Variants in OSBPL2 observed in about 807,000 individuals in gnomAD.
OSBPL2 encodes the protein oxysterol binding protein like 2.
Under a neutral mutation model 58.4 loss-of-function variants are expected in OSBPL2, and 18 were observed. The observed-to-expected ratio is 0.31, with a 90% confidence interval of 0.21 to 0.46. The LOEUF (loss-of-function observed/expected upper bound fraction) is 0.46, where lower values mean the gene tolerates loss of function less well. Among genes scored for constraint, OSBPL2 ranks in the 20% least tolerant of loss-of-function variants. OSBPL2 has a pLI of 1.00. For synonymous variants in OSBPL2, 221 were observed against 234.1 expected (o/e 0.94, Z 0.51); for missense variants, 461 against 616.5 (o/e 0.75, Z 2.67).
intron 2 of OSBPL2, among the ~76,000 whole-genome samples, chr20:62,256,741 A>G (rs1980947149): frequency 6.6e-6 from 1 of 152,236 alleles, no homozygotes; most frequent in African/African-American, 2.4e-5. Context: ...AAAAAGAAGA[A>G]AATGAAGACC....
At chr20:62,248,385 AC>A (rs1482249984) in intron 1 of OSBPL2, among the ~76,000 whole-genome samples, 1 of 151,680 alleles carries the variant, frequency 6.6e-6, no homozygotes, top group Non-Finnish European at 1.5e-5. Flanking sequence ...CGAACTCCTG[AC>A]CTCAGGTGAT....
intron 2 of OSBPL2, among the ~76,000 whole-genome samples, 159 bp from the exon 3 acceptor site, chr20:62,259,822 G>A (rs1041951352): frequency 5.3e-5 from 8 of 152,154 alleles, no homozygotes; most frequent in African/African-American, 1.4e-4. Context: ...TCTCTGTACC[G>A]TGTCTGCTTC....
At chr20:62,286,449 G>GAAAA (rs375911327) in intron 10 of OSBPL2, 134 bp from the exon 11 acceptor site, 27 of 820,164 alleles carry the variant, frequency 3.3e-5, no homozygotes, top group Non-Finnish European at 4.4e-5. Context: ...GACTCCGTCT[G>GAAAA]AAAAAAAAAA....
Position 62,284,182 on chromosome 20 carries a change from G to A in OSBPL2, c.996+13G>A. On this transcript the variant is annotated intron_variant, in intron 10 of 13. Transcript: ENST00000313733. ...AAAGGCCAAGCTGGTAAGGGCTGGG[G>A]CGTCCCCGGGCAGAGCTGAGCCCTG... The A allele has an allele frequency of 6.2e-7, 1 of 1,614,048 alleles. No homozygotes were observed. The highest frequency in any genetic ancestry group is 1.3e-5 in the African/African-American group (1 of 75,028).
At chr20:62,251,671 G>T (rs1980553856) in intron 1 of OSBPL2, among the ~76,000 whole-genome samples, 1 of 151,714 alleles carries the variant, frequency 6.6e-6, no homozygotes, top group Non-Finnish European at 1.5e-5. Flanking sequence ...GCCTCCCAAA[G>T]TGCTGGGATT....
At chr20:62,254,541 C>T (rs1284865891) in intron 1 of OSBPL2, among the ~76,000 whole-genome samples, 1 of 152,244 alleles carries the variant, frequency 6.6e-6, no homozygotes, top group East Asian at 1.9e-4. Flanking sequence ...ACTGGAGAGT[C>T]TCTCAGGGGA....
At chr20:62,283,907 C>T (rs1982946783) in intron 9 of OSBPL2, 139 bp from the exon 10 acceptor site, 2 of 826,634 alleles carry the variant, frequency 2.4e-6, no homozygotes, top group Non-Finnish European at 1.9e-6. Flanking sequence ...CAAATTTTCA[C>T]CTTCGCATTT....
At chr20:62,275,124 C>T (rs969081813) in intron 6 of OSBPL2, among the ~76,000 whole-genome samples, 2 of 152,162 alleles carry the variant, frequency 1.3e-5, no homozygotes, top group African/African-American at 2.4e-5. Context: ...AGGAGCATCA[C>T]TTGAGCCCAG....
At chr20:62,289,985 AG>A (rs1463539272) in intron 12 of OSBPL2, among the ~76,000 whole-genome samples, 12 of 152,160 alleles carry the variant, frequency 7.9e-5, no homozygotes. Context: ...ATTAAACAAA[AG>A]TTAAGATTAC....
At chr20:62,279,577 T>C (rs746362402) in intron 7 of OSBPL2, 3 of 552,192 alleles carry the variant, frequency 5.4e-6, no homozygotes, top group Non-Finnish European at 9.7e-6. Context: ...TCATTCATTG[T>C]ATGACCAGGG....
Position 62,281,124 on chromosome 20 carries a change from G to A in OSBPL2, c.741G>A (p.Leu247=). The change falls in exon 8 of 14, where the codon CTG becomes CTA. Residue 247 remains leucine, a synonymous_variant. Coordinates refer to ENST00000313733, the MANE Select transcript of OSBPL2 (RefSeq NM_144498.4). Reference sequence around the variant, plus strand: ...TCCACAACGTCATCATCGGGAAGCTGTGGATAGAGCAGTATGGGACAGTGG... The same window carrying A: ...TCCACAACGTCATCATCGGGAAGCTATGGATAGAGCAGTATGGGACAGTGG... ...CCVHNVIIGK[L]WIEQYGTVEI... The A allele has an allele frequency of 1.2e-6, 2 of 1,614,234 alleles. No individual in the cohort carries two copies. Among genetic ancestry groups the A allele is most frequent in the Non-Finnish European group, 1.7e-6 (2 of 1,180,028 alleles).
chr20:62,291,946 C>T (rs926544940), intron 13 of OSBPL2, among the ~76,000 whole-genome samples, 153 bp downstream of exon 13: 1 of 104,606 alleles, frequency 9.6e-6, no homozygotes, highest in Non-Finnish European at 2.0e-5. Flanking sequence ...ACCCCCACAC[C>T]CCTGTGGCTG....
rs1273413719 is a variant in OSBPL2 at position 62,288,935 on chromosome 20, G to A, written c.1126-272G>A. ...TTTCCAGCAAGCTGGTGACAAATCTGTTGATGAGATTGTAAAGACAGAAAA... is the reference window on the plus strand; with the variant it reads ...TTTCCAGCAAGCTGGTGACAAATCTATTGATGAGATTGTAAAGACAGAAAA... On this transcript the variant is annotated intron_variant, in intron 11 of 13. Transcript: ENST00000313733. The surrounding 1 kb of genome is among the most constrained non-coding windows in gnomAD (Gnocchi z 4.8). Among the ~76,000 whole-genome samples, 1 of 152,144 alleles carries A rather than the reference G, an allele frequency of 6.6e-6. No individual in the cohort carries two copies. The highest frequency in any genetic ancestry group is 1.5e-5 in the Non-Finnish European group (1 of 68,030).
chr20:62,244,380 C>T (rs770417939), intron 1 of OSBPL2, among the ~76,000 whole-genome samples: 1 of 152,204 alleles, frequency 6.6e-6, no homozygotes, highest in East Asian at 1.9e-4. Context: ...GGCGGCGGGT[C>T]GGGGGCTGGC....
At chr20:62,289,117 C>T (rs563677282) in intron 11 of OSBPL2, 90 bp from the exon 12 acceptor site, 94 of 1,453,076 alleles carry the variant, frequency 6.5e-5, no homozygotes, top group African/African-American at 1.7e-4. Context: ...GTAGCACCTG[C>T]GGGATTTCAG....
intron 6 of OSBPL2, among the ~76,000 whole-genome samples, chr20:62,274,538 G>C (rs1021702602): frequency 2.6e-5 from 4 of 152,246 alleles, no homozygotes; most frequent in African/African-American, 9.6e-5. Context: ...GCTAAGCTGT[G>C]GTTCTGAAGG....
At chr20:62,262,304 TCCCAGCTG>T (rs1025075359) in intron 3 of OSBPL2, among the ~76,000 whole-genome samples, 8 of 152,200 alleles carry the variant, frequency 5.3e-5, no homozygotes, top group African/African-American at 1.4e-4. Flanking sequence ...TTGCCTCCCG[TCCCAGCTG>T]CAGGGGCCTC....
intron 7 of OSBPL2, chr20:62,279,659 A>G (rs1245762128): frequency 7.2e-6 from 3 of 417,914 alleles, no homozygotes; most frequent in African/African-American, 6.0e-5. Flanking sequence ...CATTCATTGT[A>G]TTTCTTGTCT....
chr20:62,250,505 GTC>G (rs1185888076), intron 1 of OSBPL2, among the ~76,000 whole-genome samples: 1 of 152,196 alleles, frequency 6.6e-6, no homozygotes, highest in Non-Finnish European at 1.5e-5. Flanking sequence ...CGACATCGGT[GTC>G]TCAGTTGTCC....
Sources: gnomAD v4.1 joint callset for allele counts (sites outside exome capture counted in the v4.1 genomes callset) on GRCh38, gnomAD v4.1.1 for gene constraint, Gnocchi (gnomAD v3.1) non-coding constraint, MANE v1.5 for transcripts, NCBI Gene and HGNC (gene_info 2026-07-23, HGNC 2026-07-21) for gene names.